The following IMPDH1 variants were observed in gnomAD, a reference collection of about 807,000 sequenced individuals.
The protein encoded by IMPDH1 is inosine-5'-monophosphate dehydrogenase 1.
A neutral mutation model predicts 73.5 loss-of-function variants in IMPDH1; 41 were observed. The observed-to-expected ratio is 0.56, with a 90% CI of 0.43 to 0.72. IMPDH1 has a LOEUF of 0.72. Among genes scored for constraint, IMPDH1 ranks in the 30% least tolerant of loss-of-function variants. IMPDH1 has a pLI of 0.00. For missense variants in IMPDH1, 645 were observed against 824.8 expected (o/e 0.78, Z 2.67); for synonymous variants, 318 against 334.3 (o/e 0.95, Z 0.53).
At position 128,394,430 on chromosome 7, in the gene IMPDH1, G is replaced by A; in HGVS notation, c.1694+26C>T. The A allele has an allele frequency of 6.2e-7, 1 of 1,614,046 alleles. No individual in the cohort carries two copies. Among genetic ancestry groups the A allele is most frequent in the Non-Finnish European group, 8.5e-7 (1 of 1,180,004 alleles). ...GAGAAGAGCGAGAGAAAGGAAGCAG[G>A]AGCCACCCCCAGTCTCAGCACTCAC... On this transcript the variant is annotated intron_variant, in intron 15 of 16. Coordinates refer to ENST00000338791, the MANE Select transcript of IMPDH1 (RefSeq NM_000883.4). The surrounding 1 kb of genome is among the most constrained non-coding windows in gnomAD (Gnocchi z 5.5).
intron 9 of IMPDH1, 46 bp downstream of exon 9, chr7:128,400,049 C>A: frequency 7.2e-7 from 1 of 1,395,464 alleles, no homozygotes; most frequent in Non-Finnish European, 1.0e-6. Context: ...GGACTGTGGA[C>A]AGGGAGTCAG....
chr7:128,401,912 G>A (rs1183272056), intron 5 of IMPDH1, among the ~76,000 whole-genome samples: 1 of 152,194 alleles, frequency 6.6e-6, no homozygotes, highest in Admixed American at 6.5e-5. Flanking sequence ...CAGTCCCCAA[G>A]ACATTTGTGC....
In IMPDH1 at chr7:128,394,586, C is replaced by T. The variant is rs772285157; in HGVS notation, c.1564G>A (p.Val522Met). 1.9e-6 allele frequency: 3 copies of T among 1,613,784 alleles called. No individual in the cohort carries two copies. The highest frequency in any genetic ancestry group is 2.5e-6 in the Non-Finnish European group (3 of 1,179,992). Reference protein sequence around the residue: ...QKRYFSEGDKVKIAQGVSGSI... With the variant: ...QKRYFSEGDKMKIAQGVSGSI... ...CCCGAGACACCCTGCGCGATCTTCACTTTATCCCCCTCGCTGCGTGGAGGG... is the reference window on the plus strand; with the variant it reads ...CCCGAGACACCCTGCGCGATCTTCATTTTATCCCCCTCGCTGCGTGGAGGG... The change falls in exon 15 of 17, where the codon GTG becomes ATG. Residue 522 changes from valine (V) to methionine (M), a missense_variant. Transcript: ENST00000338791. This position sits in a 1 kb window ranked among gnomAD's most constrained non-coding sequence, Gnocchi z 5.5.
chr7:128,403,609 G>T (rs1798492078), intron 5 of IMPDH1, 97 bp downstream of exon 5: 8 of 977,352 alleles, frequency 8.2e-6, no homozygotes, highest in Non-Finnish European at 9.9e-6. Flanking sequence ...CCCAAGAAAA[G>T]TCTCTCCATC....
At chr7:128,405,048 A>G (rs1166996173) in intron 4 of IMPDH1, among the ~76,000 whole-genome samples, 1 of 152,138 alleles carries the variant, frequency 6.6e-6, no homozygotes, top group African/African-American at 2.4e-5. Flanking sequence ...GCCCCTTCTG[A>G]TGCTCCTTCC....
rs1198406700 is a variant in IMPDH1 at position 128,398,931 on chromosome 7, C to G, written c.875-318G>C. 1.3e-5 allele frequency among the ~76,000 whole-genome samples: 2 copies of G among 152,220 alleles called. No individual in the cohort carries two copies. Among genetic ancestry groups the G allele is most frequent in the East Asian group, 3.9e-4 (2 of 5,192 alleles). ...GCCACAGTGGCCGAAATCTCCTAGCCAGGAGTGATGCTGTCCTGCAGGGAG... is the reference window on the plus strand; with the variant it reads ...GCCACAGTGGCCGAAATCTCCTAGCGAGGAGTGATGCTGTCCTGCAGGGAG... On this transcript the variant is annotated intron_variant, in intron 9 of 16. Transcript: ENST00000338791. The surrounding 1 kb of genome is among the most constrained non-coding windows in gnomAD (Gnocchi z 4.3).
intron 9 of IMPDH1, 112 bp downstream of exon 9, chr7:128,399,983 T>C (rs890904930): frequency 6.8e-6 from 6 of 880,254 alleles, no homozygotes; most frequent in African/African-American, 1.6e-5. Flanking sequence ...ATTCGAACCT[T>C]CCCCAGGGCT....
At chr7:128,404,141 T>C (rs953721574) in intron 4 of IMPDH1, among the ~76,000 whole-genome samples, 4 of 152,082 alleles carry the variant, frequency 2.6e-5, no homozygotes, top group African/African-American at 4.8e-5. Flanking sequence ...TAAGTAAACA[T>C]TGGGAACAAA....
chr7:128,392,874 T>A lies in IMPDH1; in HGVS notation c.*133A>T, dbSNP rs1300351073. 2 of 873,202 alleles carry A rather than the reference T, an allele frequency of 2.3e-6. No individual in the cohort carries two copies. The highest frequency in any genetic ancestry group is 3.8e-6 in the Non-Finnish European group (2 of 532,134). 54.1% of individuals were successfully genotyped at this position (873,202 alleles called of 1,614,324 possible). ...GCAGCAGTCCCCTCAGGACCTCCCC[T>A]CCTCTCTGCCTGGAAAGGAGCTGGA... is the stretch of plus-strand genomic sequence containing the variant. On this transcript the variant is annotated 3_prime_UTR_variant, in exon 17 of 17. Transcript: ENST00000338791.
intron 9 of IMPDH1, among the ~76,000 whole-genome samples, chr7:128,399,189 C>A (rs193051876): frequency 2.6e-5 from 4 of 151,744 alleles, no homozygotes; most frequent in South Asian, 4.2e-4. Flanking sequence ...TATGGTGAAA[C>A]CCCATCTCTA....
chr7:128,398,260 T>C lies in IMPDH1; in HGVS notation c.1074+154A>G, dbSNP rs1214483243. Among the ~76,000 whole-genome samples the C allele has an allele frequency of 6.6e-6, 1 of 152,126 alleles. No homozygotes were observed. The highest frequency in any genetic ancestry group is 2.4e-5 in the African/African-American group (1 of 41,400). On this transcript the variant is annotated intron_variant, in intron 10 of 16. Transcript: ENST00000338791. The surrounding 1 kb of genome is among the most constrained non-coding windows in gnomAD (Gnocchi z 4.3). ...AGCTCAGGCAATCCTGCTGCCACCCTCCTAATTCTGACACCAGGGAGCACT... is the reference window on the plus strand; with the variant it reads ...AGCTCAGGCAATCCTGCTGCCACCCCCCTAATTCTGACACCAGGGAGCACT...
At chr7:128,409,402 T>G (rs754396757) in intron 2 of IMPDH1, 39 bp downstream of exon 2, 1 of 1,614,170 alleles carries the variant, frequency 6.2e-7, no homozygotes, top group South Asian at 1.1e-5. Flanking sequence ...CGGACAGGAC[T>G]CCAGCAAGCA....
rs771930753 is a variant in IMPDH1, at chr7:128,400,458, G to A, written c.661C>T (p.Arg221Trp). ...ATGGGGATGCCAGAGAAGCCATGCC[G>A]CATCTTGGCCTCCAGCACATCGCCC... Reference protein sequence around the residue: ...TVGDVLEAKMRHGFSGIPITE... With the variant: ...TVGDVLEAKMWHGFSGIPITE... The change falls in exon 8 of 17, where the codon CGG becomes TGG. Residue 221 changes from arginine to tryptophan, a missense_variant. Coordinates refer to ENST00000338791, the MANE Select transcript of IMPDH1 (RefSeq NM_000883.4). 33 of 1,612,164 alleles carry A rather than the reference G, an allele frequency of 2.0e-5. No homozygotes were observed. Among genetic ancestry groups the A allele is most frequent in the African/African-American group, 9.3e-5 (7 of 74,886 alleles).
Position 128,394,984 on chromosome 7 carries a change from G to A in IMPDH1, c.1455C>T (p.Tyr485=). ...LAATTEAPGE[Y]FFSDGVRLKK... is the part of the protein sequence containing the mutation. ...TGAGCCGCACCCCGTCTGAGAAGAA[G>A]TACTCGCCAGGGGCCTCCGTAGTGG... The change falls in exon 14 of 17, where the codon TAC becomes TAT. Residue 485 remains tyrosine (Y), a synonymous_variant. Coordinates refer to ENST00000338791, the MANE Select transcript of IMPDH1 (RefSeq NM_000883.4). The surrounding 1 kb of genome is among the most constrained non-coding windows in gnomAD (Gnocchi z 5.5). The A allele has an allele frequency of 1.2e-6, 2 of 1,614,032 alleles. No homozygotes were observed. The highest frequency in any genetic ancestry group is 1.3e-5 in the African/African-American group (1 of 75,040).
chr7:128,409,341 C>A lies in IMPDH1; in HGVS notation c.202G>T (p.Val68Leu). ...ACACCAACACCTGCCAGTAAGACCA[C>A]TGAAGATAGTTCTAGGAGGAAACAG... ...PTTPRSELSS[V>L]VLLAGVGVQM... The change falls in exon 3 of 17, where the codon GTG becomes TTG. Residue 68 changes from valine (V) to leucine (L), a missense_variant. Around this residue, in one of 2 missense-constraint regions of IMPDH1, gnomAD observed 186 missense variants for 186.6 expected, o/e 1.00. Transcript: ENST00000338791. 5 of 1,614,238 alleles carry A rather than the reference C, an allele frequency of 3.1e-6. No individual in the cohort carries two copies. Among genetic ancestry groups the A allele is most frequent in the Non-Finnish European group, 4.2e-6 (5 of 1,180,022 alleles).
intron 3 of IMPDH1, among the ~76,000 whole-genome samples, chr7:128,407,414 C>T (rs919912623): frequency 6.6e-6 from 1 of 152,166 alleles, no homozygotes; most frequent in African/African-American, 2.4e-5. Flanking sequence ...GTGGGAAGCA[C>T]CTCTGAACCT....
In IMPDH1 at chr7:128,398,680, G is replaced by A. The variant is rs928912702; in HGVS notation, c.875-67C>T. The A allele has an allele frequency of 5.2e-6, 7 of 1,346,676 alleles. No homozygotes were observed. The highest frequency in any genetic ancestry group is 7.4e-6 in the Non-Finnish European group (7 of 944,144). The allele number at this position is 1,346,676 out of a possible 1,614,324, so 83.4% of individuals were successfully genotyped here. ...GGAGAAGTTTGGGAGATGTTTAGGA[G>A]GGTGAAGATGAAAGTGGACCACTCC... On this transcript the variant is annotated intron_variant, in intron 9 of 16. Transcript: ENST00000338791. This position sits in a 1 kb window ranked among gnomAD's most constrained non-coding sequence, Gnocchi z 4.3.
intron 1 of IMPDH1, 77 bp from the exon 2 acceptor site, chr7:128,409,561 G>A (rs1479425744): frequency 6.4e-7 from 1 of 1,561,260 alleles, no homozygotes; most frequent in Non-Finnish European, 8.8e-7. Context: ...CTAACCCTTC[G>A]CACAGTGCCC....
chr7:128,400,028 A>AAGGAACAAC, intron 9 of IMPDH1, 67 bp downstream of exon 9: 2 of 1,252,876 alleles, frequency 1.6e-6, no homozygotes, highest in African/African-American at 1.5e-5. Flanking sequence ...TAAGGCTGTG[A>AAGGAACAAC]AGGAACAACG....
Sources: allele counts gnomAD v4.1 joint callset (sites outside exome capture counted in the v4.1 genomes callset), GRCh38; gene constraint gnomAD v4.1.1; regional missense constraint gnomAD v4.1.1; non-coding constraint Gnocchi (gnomAD v3.1); transcripts MANE v1.5; gene names NCBI Gene and HGNC (gene_info 2026-07-23, HGNC 2026-07-21).